Variants in ZNF148 observed in about 807,000 individuals in gnomAD.
ZNF148 encodes the protein zinc finger protein 148.
In ZNF148, 7 loss-of-function variants were observed where a neutral mutation model predicts 67.7. The ratio of observed to expected loss-of-function variants is 0.10; its 90% CI spans 0.06 to 0.19. The LOEUF (loss-of-function observed/expected upper bound fraction) is 0.19, where lower values mean the gene tolerates loss of function less well. Ranked by LOEUF, ZNF148 falls within the 10% of genes least tolerant of loss-of-function variation. The pLI is 1.00. For missense variants in ZNF148, 583 were observed against 947.1 expected (o/e 0.62, Z 5.05); for synonymous variants, 333 against 330.7 (o/e 1.01, Z -0.08).
At chr3:125,289,583 A>G (rs1295154890) in intron 4 of ZNF148, among the ~76,000 whole-genome samples, 3 of 152,202 alleles carry the variant, frequency 2.0e-5, no homozygotes, top group Admixed American at 1.3e-4. Flanking sequence ...TCACCTCTGA[A>G]GTGGTATTTA....
Position 125,245,776 on chromosome 3 carries a change from AAGG to A in ZNF148, c.668-11450_668-11448del, listed in dbSNP as rs1936571634. On this transcript the variant is annotated intron_variant, in intron 7 of 8. Coordinates refer to ENST00000360647, the MANE Select transcript of ZNF148 (RefSeq NM_021964.3). ...CTAGCCTATCACATAATATCCTCCT[AAGG>A]AGTAGTTTCTCTGGGATCTATTATC... Among the ~76,000 whole-genome samples the A allele has an allele frequency of 2.6e-5, 4 of 152,150 alleles. No individual in the cohort carries two copies. The South Asian group carries it at 8.3e-4, about 32-fold the overall frequency.
At chr3:125,328,909 C>G (rs914790887) in intron 2 of ZNF148, among the ~76,000 whole-genome samples, 1 of 151,816 alleles carries the variant, frequency 6.6e-6, no homozygotes, top group African/African-American at 2.4e-5. Flanking sequence ...ATTTGGCCTT[C>G]TTTTTAGAGT....
chr3:125,266,837 T>C (rs1000594272), intron 7 of ZNF148, among the ~76,000 whole-genome samples: 1 of 151,798 alleles, frequency 6.6e-6, no homozygotes, highest in Non-Finnish European at 1.5e-5. Context: ...AAGATTCAAA[T>C]AAGCACAATC....
chr3:125,282,771 G>A (rs893281847), intron 5 of ZNF148, among the ~76,000 whole-genome samples: 2 of 151,902 alleles, frequency 1.3e-5, no homozygotes, highest in African/African-American at 4.8e-5. Flanking sequence ...ATTTTCATCA[G>A]GCAAAGCCCT....
chr3:125,366,965 T>G (rs1302489579), intron 1 of ZNF148, among the ~76,000 whole-genome samples: 1 of 152,222 alleles, frequency 6.6e-6, no homozygotes, highest in African/African-American at 2.4e-5. Context: ...TTCAGTAATA[T>G]TTGGTATATT....
chr3:125,324,010 C>A (rs180689606), intron 2 of ZNF148, among the ~76,000 whole-genome samples: 73 of 151,204 alleles, frequency 4.8e-4, no homozygotes, highest in African/African-American at 1.4e-3. Context: ...GAGTCTACAG[C>A]CTCAAAGATA....
chr3:125,277,527 A>G (rs1014640907), intron 7 of ZNF148, among the ~76,000 whole-genome samples, 199 bp downstream of exon 7: 4 of 152,202 alleles, frequency 2.6e-5, no homozygotes, highest in Non-Finnish European at 5.9e-5. Context: ...ACTCTATTTC[A>G]AAGTAATTTC....
At chr3:125,358,505 C>T (rs1942439564) in intron 1 of ZNF148, among the ~76,000 whole-genome samples, 1 of 152,202 alleles carries the variant, frequency 6.6e-6, no homozygotes, top group Non-Finnish European at 1.5e-5. Flanking sequence ...CTCCAACTTA[C>T]ACAAATTTGC....
chr3:125,327,094 TAA>T (rs1328895117), intron 2 of ZNF148, among the ~76,000 whole-genome samples: 5 of 151,998 alleles, frequency 3.3e-5, no homozygotes, highest in African/African-American at 1.2e-4. Flanking sequence ...GCAGTAACTG[TAA>T]GAGACAGAAT....
At chr3:125,250,888 T>C (rs1208847733) in intron 7 of ZNF148, among the ~76,000 whole-genome samples, 1 of 152,144 alleles carries the variant, frequency 6.6e-6, no homozygotes, top group East Asian at 1.9e-4. Context: ...TCTATTCCTA[T>C]AGTTTATCTT....
chr3:125,302,404 A>G (rs1333690496), intron 4 of ZNF148, among the ~76,000 whole-genome samples: 6 of 151,172 alleles, frequency 4.0e-5, no homozygotes, highest in African/African-American at 9.7e-5. Flanking sequence ...AAAAGAAAAG[A>G]AAAAAAAAGT....
chr3:125,241,651 T>C (rs1057427596), intron 7 of ZNF148, among the ~76,000 whole-genome samples: 4 of 152,226 alleles, frequency 2.6e-5, no homozygotes, highest in Non-Finnish European at 4.4e-5. Context: ...AAAGACATAC[T>C]ACAATTTATT....
At chr3:125,246,105 C>T (rs1352741367) in intron 7 of ZNF148, among the ~76,000 whole-genome samples, 1 of 152,090 alleles carries the variant, frequency 6.6e-6, no homozygotes, top group Non-Finnish European at 1.5e-5. Context: ...TTTGTTATGA[C>T]AGCAAATGTA....
At chr3:125,363,588 T>C (rs189457603) in intron 1 of ZNF148, among the ~76,000 whole-genome samples, 1 of 152,268 alleles carries the variant, frequency 6.6e-6, no homozygotes, top group African/African-American at 2.4e-5. Context: ...CTTTGAGGTA[T>C]TTCTTATAGC....
At chr3:125,307,228 G>A (rs1939928073) in intron 4 of ZNF148, among the ~76,000 whole-genome samples, 1 of 152,110 alleles carries the variant, frequency 6.6e-6, no homozygotes, top group South Asian at 2.1e-4. Flanking sequence ...ACCATATTAA[G>A]AGAATAATGA....
intron 1 of ZNF148, chr3:125,344,469 G>A (rs769184936): frequency 7.6e-5 from 80 of 1,058,672 alleles, no homozygotes; most frequent in Non-Finnish European, 1.0e-4. Context: ...AAATAAAAAT[G>A]GGTCCCTTCC....
chr3:125,261,448 T>C (rs1937336491), intron 7 of ZNF148, among the ~76,000 whole-genome samples: 1 of 152,250 alleles, frequency 6.6e-6, no homozygotes, highest in African/African-American at 2.4e-5. Flanking sequence ...CCAACGTAAG[T>C]ACTATGTATG....
intron 7 of ZNF148, among the ~76,000 whole-genome samples, chr3:125,261,443 G>C (rs1006291492): frequency 3.3e-5 from 5 of 152,262 alleles, no homozygotes; most frequent in East Asian, 1.9e-4. Flanking sequence ...TTTAGCCAAC[G>C]TAAGTACTAT....
chr3:125,304,097 T>C (rs904640763), intron 4 of ZNF148, among the ~76,000 whole-genome samples: 7 of 152,066 alleles, frequency 4.6e-5, no homozygotes. Context: ...TATCCTCTTA[T>C]CCTCCAGGAA....
Sources: allele counts gnomAD v4.1 joint callset (sites outside exome capture counted in the v4.1 genomes callset), GRCh38; gene constraint gnomAD v4.1.1; transcripts MANE v1.5; gene names NCBI Gene and HGNC (gene_info 2026-07-23, HGNC 2026-07-21).